The following FUT8 variants were observed in gnomAD, a reference collection of about 807,000 sequenced individuals.
FUT8 encodes the protein fucosyltransferase 8, also known as alpha-(1,6)-fucosyltransferase.
A neutral mutation model predicts 71.3 loss-of-function variants in FUT8; 29 were observed. That is an observed-to-expected ratio of 0.41 (90% CI 0.30 to 0.55). The LOEUF is 0.55. Ranked by LOEUF, FUT8 falls within the 20% of genes least tolerant of loss-of-function variation. The pLI is 0.34. For missense variants in FUT8, 544 were observed against 702.1 expected (o/e 0.77, Z 2.55); for synonymous variants, 254 against 239.3 (o/e 1.06, Z -0.57).
At chr14:65,364,862 T>C in the FUT8 span, among the ~76,000 whole-genome samples, 4 of 152,190 alleles carry the variant, frequency 2.6e-5, no homozygotes, top group African/African-American at 7.2e-5. Context: ...TTTTCCGCAG[T>C]GTCACATCAT....
At chr14:65,559,318 T>G (rs1358443400) in intron 2 of FUT8, among the ~76,000 whole-genome samples, 1 of 152,160 alleles carries the variant, frequency 6.6e-6, no homozygotes, top group East Asian at 1.9e-4. Flanking sequence ...TTCAGCCAAC[T>G]ACAGATCAAA....
At chr14:65,510,240 G>A (rs1379759589) in intron 2 of FUT8, among the ~76,000 whole-genome samples, 1 of 152,020 alleles carries the variant, frequency 6.6e-6, no homozygotes, top group Non-Finnish European at 1.5e-5. Flanking sequence ...TGATTGATTT[G>A]TATATGTTGA....
chr14:65,496,834 T>C lies in FUT8; in HGVS notation c.-228+41116T>C, dbSNP rs2066567482. ...CTGTGGAGTGGTTTTGTGCTTGCTGTTGTTGCCGTGGTGCTTCAGAAAGTT... is the reference window on the plus strand; with the variant it reads ...CTGTGGAGTGGTTTTGTGCTTGCTGCTGTTGCCGTGGTGCTTCAGAAAGTT... On this transcript the variant is annotated intron_variant, in intron 2 of 10. Coordinates refer to ENST00000673929, the MANE Select transcript of FUT8 (RefSeq NM_001371533.1). Among the ~76,000 whole-genome samples the C allele has an allele frequency of 1.3e-5, 2 of 152,168 alleles. 1 individual carries two copies. Among genetic ancestry groups the C allele is most frequent in the South Asian group, 4.1e-4 (2 of 4,834 alleles).
rs557702434 is a variant in FUT8 at position 65,603,629 on chromosome 14, C to T, written c.204-12349C>T. On this transcript the variant is annotated intron_variant, in intron 3 of 10. Transcript: ENST00000673929. This position sits in a 1 kb window ranked among gnomAD's most constrained non-coding sequence, Gnocchi z 4.5. ...AATTGAGCTTCTTTGGATCTTCTCT[C>T]TTCTTTTCTTGGTTAATCTTGCTAA... Among the ~76,000 whole-genome samples, 4 of 151,746 alleles carry T rather than the reference C, an allele frequency of 2.6e-5. No homozygotes were observed. Among genetic ancestry groups the T allele is most frequent in the Non-Finnish European group, 5.9e-5 (4 of 67,872 alleles).
chr14:65,522,712 T>C (rs940021313), intron 2 of FUT8, among the ~76,000 whole-genome samples: 5 of 140,378 alleles, frequency 3.6e-5, no homozygotes, highest in African/African-American at 1.1e-4. Flanking sequence ...CCTAATGCTA[T>C]CCCTCCCCCC....
chr14:65,511,155 T>C (rs1363931333), intron 2 of FUT8, among the ~76,000 whole-genome samples: 1 of 152,132 alleles, frequency 6.6e-6, no homozygotes, highest in Non-Finnish European at 1.5e-5. Context: ...CTTAATTTCT[T>C]CATTGACCCA....
chr14:65,578,797 T>C (rs1283822507), intron 3 of FUT8, among the ~76,000 whole-genome samples: 1 of 152,182 alleles, frequency 6.6e-6, no homozygotes, highest in African/African-American at 2.4e-5. Flanking sequence ...TGAATTACAA[T>C]GGCTACAAGG....
chr14:65,700,725 C>T (rs1019636968), intron 7 of FUT8, among the ~76,000 whole-genome samples: 1 of 152,134 alleles, frequency 6.6e-6, no homozygotes, highest in African/African-American at 2.4e-5. Context: ...ATGAAAGGGT[C>T]CTAGTTCTAA....
chr14:65,469,205 G>T (rs571040515), intron 2 of FUT8, among the ~76,000 whole-genome samples: 1 of 152,114 alleles, frequency 6.6e-6, no homozygotes, highest in East Asian at 1.9e-4. Context: ...AAAATTCCTG[G>T]TGATAATTTG....
chr14:65,720,481 A>T (rs1157203212), intron 7 of FUT8, among the ~76,000 whole-genome samples: 2 of 152,234 alleles, frequency 1.3e-5, no homozygotes, highest in African/African-American at 2.4e-5. Flanking sequence ...CTGTTATCCA[A>T]GTTGCAAGAT....
intron 2 of FUT8, among the ~76,000 whole-genome samples, chr14:65,456,769 A>AG (rs1247884266): frequency 2.0e-5 from 3 of 151,614 alleles, no homozygotes; most frequent in Admixed American, 6.6e-5. Context: ...GCTATTTGGG[A>AG]GGCCGAGGTA....
At chr14:65,427,327 G>T (rs1250534023) in intron 1 of FUT8, among the ~76,000 whole-genome samples, 9 of 152,140 alleles carry the variant, frequency 5.9e-5, no homozygotes. Context: ...AATTGGTGGA[G>T]CATATGGTAG....
At position 65,669,793 on chromosome 14, in the gene FUT8, C is replaced by T. The variant is rs970733273; in HGVS notation, c.835+313C>T. On this transcript the variant is annotated intron_variant, in intron 7 of 10. Coordinates refer to ENST00000673929, the MANE Select transcript of FUT8 (RefSeq NM_001371533.1). This position sits in a 1 kb window ranked among gnomAD's most constrained non-coding sequence, Gnocchi z 4.5. The stretch of plus-strand genomic sequence containing the variant: ...TAAGATGATTTCACATTATTGAACT[C>T]ATTTTAATATGAAGTAATCATCATA... Among the ~76,000 whole-genome samples the T allele has an allele frequency of 1.1e-4, 17 of 152,042 alleles. No homozygotes were observed. Among genetic ancestry groups the T allele is most frequent in the African/African-American group, 3.9e-4 (16 of 41,458 alleles).
In FUT8 at chr14:65,669,500, T is replaced by C. The variant is rs1380512863; in HGVS notation, c.835+20T>C. ...GGTCAGGTAAGGAGCTTGTGCAGCA[T>C]ATGAGATCTCTGGGCTGTTTCACTC... On this transcript the variant is annotated intron_variant, in intron 7 of 10. Coordinates refer to ENST00000673929, the MANE Select transcript of FUT8 (RefSeq NM_001371533.1). This position sits in a 1 kb window ranked among gnomAD's most constrained non-coding sequence, Gnocchi z 4.5. 2 of 1,539,666 alleles carry C rather than the reference T, an allele frequency of 1.3e-6. No homozygotes were observed. The highest frequency in any genetic ancestry group is 1.7e-5 in the Admixed American group (1 of 59,744).
intron 2 of FUT8, among the ~76,000 whole-genome samples, chr14:65,532,543 A>T (rs578103640): frequency 6.6e-6 from 1 of 152,238 alleles, no homozygotes; most frequent in Admixed American, 6.5e-5. Flanking sequence ...CCTTTGTCAG[A>T]TTCATAGACC....
At chr14:65,559,772 G>A (rs1014240999) in intron 2 of FUT8, among the ~76,000 whole-genome samples, 15 of 152,066 alleles carry the variant, frequency 9.9e-5, no homozygotes, top group African/African-American at 3.4e-4. Flanking sequence ...AAGATGAAAA[G>A]TAGGGGATAC....
At chr14:65,616,949 T>C in intron 5 of FUT8, 1 of 958,674 alleles carries the variant, frequency 1.0e-6, no homozygotes, top group Non-Finnish European at 1.5e-6. Flanking sequence ...TGCTAAATAA[T>C]ATGAAGTTTA....
rs540472438 is a variant in FUT8 at position 65,551,956 on chromosome 14, A to G, written c.-227-9381A>G. ...TTCAGCTCTGCGGTAAAATCTTGACATAATGATCATCTGTTTATATATATA... is the reference window on the plus strand; with the variant it reads ...TTCAGCTCTGCGGTAAAATCTTGACGTAATGATCATCTGTTTATATATATA... On this transcript the variant is annotated intron_variant, in intron 2 of 10. Coordinates refer to ENST00000673929, the MANE Select transcript of FUT8 (RefSeq NM_001371533.1). Among the ~76,000 whole-genome samples the G allele has an allele frequency of 2.0e-4, 30 of 152,316 alleles. No homozygotes were observed. In the South Asian group the frequency reaches 5.8e-3, roughly 29 times the overall value.
intron 2 of FUT8, among the ~76,000 whole-genome samples, chr14:65,515,116 A>G (rs972556441): frequency 6.8e-6 from 1 of 147,986 alleles, no homozygotes; most frequent in Non-Finnish European, 1.5e-5. Flanking sequence ...GTTGAAATTC[A>G]GTTCCTAGTG....
Sources: allele counts gnomAD v4.1 joint callset (sites outside exome capture counted in the v4.1 genomes callset), GRCh38; gene constraint gnomAD v4.1.1; non-coding constraint Gnocchi (gnomAD v3.1); transcripts MANE v1.5; gene names NCBI Gene and HGNC (gene_info 2026-07-23, HGNC 2026-07-21).